The following MAPK10 variants were observed in gnomAD, a reference collection of about 807,000 sequenced individuals.
MAPK10 encodes the protein JNK3 alpha protein kinase.
MAPK10 carries 25 observed loss-of-function variants against 59.3 expected under a neutral mutation model. That is an observed-to-expected ratio of 0.42 (90% CI 0.31 to 0.59). The LOEUF (loss-of-function observed/expected upper bound fraction) is 0.59, where lower values mean the gene tolerates loss of function less well. Ranked by LOEUF, MAPK10 falls within the 20% of genes least tolerant of loss-of-function variation. The pLI is 0.15. For missense variants in MAPK10, 351 were observed against 568.9 expected, an observed-to-expected ratio of 0.62 and a Z score of 3.90; for synonymous variants, 190 against 200.5, an observed-to-expected ratio of 0.95 and a Z score of 0.44.
At chr4:86,545,993 G>A (rs928597685) in intron 1 of MAPK10, among the ~76,000 whole-genome samples, 11 of 152,188 alleles carry the variant, frequency 7.2e-5, no homozygotes, top group African/African-American at 2.4e-4. Flanking sequence ...GCTCACGCCT[G>A]TAATCCCAGC....
chr4:86,519,492 A>C (rs1390717161), intron 1 of MAPK10, among the ~76,000 whole-genome samples: 1 of 152,034 alleles, frequency 6.6e-6, no homozygotes, highest in Non-Finnish European at 1.5e-5. Context: ...CCACCCCTTT[A>C]CCTTAAGTTT....
upstream of MAPK10, among the ~76,000 whole-genome samples, chr4:86,361,221 G>T (rs1484748175): frequency 6.6e-6 from 1 of 152,164 alleles, no homozygotes; most frequent in African/African-American, 2.4e-5. Flanking sequence ...TGTTGTCTTT[G>T]TTGTTGCTGC....
At chr4:86,550,110 T>A (rs1288978976) in intron 1 of MAPK10, among the ~76,000 whole-genome samples, 1 of 152,000 alleles carries the variant, frequency 6.6e-6, no homozygotes, top group Non-Finnish European at 1.5e-5. Context: ...CTAAGAGACA[T>A]CTTTATCTCA....
intron 2 of MAPK10, among the ~76,000 whole-genome samples, chr4:86,256,233 T>C (rs2093701019): frequency 6.6e-6 from 1 of 152,208 alleles, no homozygotes; most frequent in South Asian, 2.1e-4. Flanking sequence ...GAACTAGTGC[T>C]TTCATCCCAG....
intron 1 of MAPK10, among the ~76,000 whole-genome samples, chr4:86,507,514 T>C (rs1442134324): frequency 6.7e-6 from 1 of 149,832 alleles, no homozygotes. Flanking sequence ...TGCACAATAA[T>C]GTTTATTGAA....
chr4:86,334,249 A>G (rs2096221211), intron 2 of MAPK10, among the ~76,000 whole-genome samples: 1 of 152,176 alleles, frequency 6.6e-6, no homozygotes, highest in Admixed American at 6.5e-5. Flanking sequence ...TTCCAAATGC[A>G]AACGAGTCCT....
chr4:86,475,284 C>A (rs753850329), intron 1 of MAPK10, among the ~76,000 whole-genome samples: 1 of 152,158 alleles, frequency 6.6e-6, no homozygotes, highest in Non-Finnish European at 1.5e-5. Flanking sequence ...ATCCCCTGTC[C>A]TCCTGCTCTT....
chr4:86,317,691 C>T (rs2095816404), intron 2 of MAPK10, among the ~76,000 whole-genome samples: 1 of 152,178 alleles, frequency 6.6e-6, no homozygotes, highest in East Asian at 1.9e-4. Context: ...GACTGGTTGA[C>T]CTCATACCTC....
chr4:86,449,492 C>T (rs1329784100), intron 1 of MAPK10, among the ~76,000 whole-genome samples: 1 of 152,090 alleles, frequency 6.6e-6, no homozygotes, highest in Non-Finnish European at 1.5e-5. Flanking sequence ...TACCATAGTA[C>T]CATGACATGA....
chr4:86,110,150 A>G (rs758854621), intron 4 of MAPK10, among the ~76,000 whole-genome samples: 1 of 152,178 alleles, frequency 6.6e-6, no homozygotes, highest in African/African-American at 2.4e-5. Context: ...GATAGATTAC[A>G]AAAGTTTTCT....
intron 1 of MAPK10, among the ~76,000 whole-genome samples, chr4:86,458,727 G>C (rs1751461630): frequency 1.3e-5 from 2 of 152,188 alleles, no homozygotes; most frequent in Admixed American, 6.5e-5. Context: ...GTAAGAGAAT[G>C]AAACTGGATC....
chr4:86,236,609 G>A (rs186368100), intron 2 of MAPK10, among the ~76,000 whole-genome samples: 1 of 152,264 alleles, frequency 6.6e-6, no homozygotes, highest in East Asian at 1.9e-4. Flanking sequence ...GTATTAGCTA[G>A]AATTAGAGGG....
At chr4:86,305,235 T>G (rs1404603700) in intron 2 of MAPK10, among the ~76,000 whole-genome samples, 1 of 152,184 alleles carries the variant, frequency 6.6e-6, no homozygotes, top group Non-Finnish European at 1.5e-5. Context: ...TACATATAAC[T>G]TGTGTTATAT....
intron 2 of MAPK10, among the ~76,000 whole-genome samples, chr4:86,347,643 G>A (rs964132901): frequency 2.6e-5 from 4 of 152,136 alleles, no homozygotes; most frequent in Admixed American, 6.6e-5. Flanking sequence ...CTGGAGGCTG[G>A]TAAGTCCAAG....
intron 4 of MAPK10, among the ~76,000 whole-genome samples, chr4:86,123,266 T>C (rs2059550619): frequency 2.0e-5 from 3 of 152,134 alleles, no homozygotes; most frequent in African/African-American, 4.8e-5. Context: ...TTATTGTGTA[T>C]ATATGCCATA....
intron 1 of MAPK10, among the ~76,000 whole-genome samples, chr4:86,401,166 A>G (rs1324018028): frequency 2.0e-5 from 3 of 152,154 alleles, no homozygotes. Context: ...TTGAGTCAAA[A>G]CACAATTTGA....
intron 10 of MAPK10, among the ~76,000 whole-genome samples, chr4:86,066,165 CTT>C (rs1265215958): frequency 1.3e-5 from 2 of 152,066 alleles, no homozygotes; most frequent in Non-Finnish European, 2.9e-5. Flanking sequence ...ACTAGTTAAA[CTT>C]GAGAATTTTT....
chr4:86,055,873 A>G (rs1399326841), intron 11 of MAPK10, among the ~76,000 whole-genome samples: 6 of 150,114 alleles, frequency 4.0e-5, no homozygotes, highest in Admixed American at 4.0e-4. Flanking sequence ...ATTTTATATA[A>G]TAAACTTCAC....
intron 4 of MAPK10, among the ~76,000 whole-genome samples, chr4:86,155,794 A>AAT (rs2067596441): frequency 6.6e-6 from 1 of 152,068 alleles, no homozygotes; most frequent in East Asian, 1.9e-4. Flanking sequence ...ACTTAAAGGA[A>AAT]GCACTTTACT....
Sources: gnomAD v4.1 joint callset for allele counts (sites outside exome capture counted in the v4.1 genomes callset) on GRCh38, gnomAD v4.1.1 for gene constraint, MANE v1.5 for transcripts, NCBI Gene and HGNC (gene_info 2026-07-23, HGNC 2026-07-21) for gene names.